Variants in ARHGEF3 observed in about 807,000 individuals in gnomAD.
ARHGEF3 encodes the protein Rho guanine nucleotide exchange factor 3.
ARHGEF3 carries 28 observed loss-of-function variants against 63.2 expected under a neutral mutation model. The observed-to-expected ratio is 0.44, with a 90% CI of 0.33 to 0.61. ARHGEF3 has a LOEUF of 0.61. Ranked by LOEUF, ARHGEF3 falls within the 20% of genes least tolerant of loss-of-function variation. The pLI is 0.03. For synonymous variants in ARHGEF3, 266 were observed against 254.2 expected, an observed-to-expected ratio of 1.05 and a Z score of -0.44; for missense variants, 533 against 659.3, an observed-to-expected ratio of 0.81 and a Z score of 2.10.
intron 3 of ARHGEF3, among the ~76,000 whole-genome samples, chr3:56,947,234 A>G (rs1699555094): frequency 6.6e-6 from 1 of 152,224 alleles, no homozygotes; most frequent in African/African-American, 2.4e-5. Context: ...AAGCAAAATA[A>G]TCAGCTAACA....
rs759458048 is a variant in ARHGEF3, at chr3:56,965,645, CTTTTT to C, written c.63-6761_63-6757del. Among the ~76,000 whole-genome samples the C allele has an allele frequency of 1.0e-4, 14 of 133,352 alleles. No individual in the cohort carries two copies. The South Asian group carries it at 2.7e-3, about 26-fold the overall frequency. The allele number at this position is 133,352 out of a possible 152,430, so 87.5% of individuals were successfully genotyped here. ...GAAGTAGATTAAATGAAACTACATT[CTTTTT>C]TTTTTTTTTTTTTTTTGAAACGGAG... On this transcript the variant is annotated intron_variant, in intron 2 of 12. Transcript: ENST00000338458.
At chr3:57,025,563 C>A (rs1703438134) in intron 2 of ARHGEF3, among the ~76,000 whole-genome samples, 1 of 152,198 alleles carries the variant, frequency 6.6e-6, no homozygotes, top group South Asian at 2.1e-4. Context: ...GCAAATGCTA[C>A]AAGTCTGAGC....
chr3:56,790,155 C>T (rs1559941585), intron 1 of ARHGEF3, among the ~76,000 whole-genome samples: 2 of 152,202 alleles, frequency 1.3e-5, no homozygotes, highest in Non-Finnish European at 1.5e-5. Context: ...GAAATAAATG[C>T]TGCATTTAAG....
intron 3 of ARHGEF3, among the ~76,000 whole-genome samples, chr3:56,933,866 A>T (rs1312056038): frequency 6.6e-6 from 1 of 152,146 alleles, no homozygotes; most frequent in Non-Finnish European, 1.5e-5. Context: ...GTCTGGTGGG[A>T]GGTGATTGGA....
intron 3 of ARHGEF3, chr3:56,940,664 C>G (rs534864761): frequency 6.6e-6 from 1 of 151,746 alleles, no homozygotes; most frequent in South Asian, 2.1e-4. Flanking sequence ...CAGGTATGGT[C>G]GGTTTTGCCT....
intron 2 of ARHGEF3, among the ~76,000 whole-genome samples, chr3:56,992,971 T>C (rs923725599): frequency 1.3e-5 from 2 of 151,970 alleles, no homozygotes; most frequent in Non-Finnish European, 2.9e-5. Flanking sequence ...GTAGCTGGGA[T>C]TACAGCTGCA....
chr3:57,074,614 C>T (rs193025910), intron 1 of ARHGEF3: 1 of 255,992 alleles, frequency 3.9e-6, no homozygotes, highest in Admixed American at 5.0e-5. Flanking sequence ...CTCCTGATCC[C>T]CGATCCTATA....
At chr3:56,774,303 A>T (rs1018300645) in intron 1 of ARHGEF3, among the ~76,000 whole-genome samples, 3 of 146,120 alleles carry the variant, frequency 2.1e-5, no homozygotes, top group East Asian at 2.0e-4. Context: ...TCATTAAATT[A>T]AAAAAAAAAA....
chr3:57,059,634 A>T (rs1705113608), intron 1 of ARHGEF3, among the ~76,000 whole-genome samples: 1 of 152,100 alleles, frequency 6.6e-6, no homozygotes, highest in Non-Finnish European at 1.5e-5. Flanking sequence ...TTCCCTCCAT[A>T]AGCACATTTC....
intron 3 of ARHGEF3, among the ~76,000 whole-genome samples, chr3:56,904,150 C>A (rs11710295): frequency 0.14 from 20,726 of 152,188 alleles, 1,697 homozygotes; most frequent in Non-Finnish European, 0.19. Context: ...CCACCTCAGC[C>A]TCCCAAGTAG....
intron 2 of ARHGEF3, among the ~76,000 whole-genome samples, chr3:56,983,136 C>A (rs1701391107): frequency 6.6e-6 from 1 of 152,042 alleles, no homozygotes; most frequent in African/African-American, 2.4e-5. Context: ...TTTTATATGA[C>A]CCCTAGGGTG....
chr3:56,907,380 T>C (rs900371135), intron 3 of ARHGEF3, among the ~76,000 whole-genome samples: 6 of 152,196 alleles, frequency 3.9e-5, no homozygotes, highest in Non-Finnish European at 7.3e-5. Context: ...AATGCAGTTA[T>C]TTGCTTATAC....
At chr3:56,812,218 A>T (rs1393687476) in intron 4 of ARHGEF3, among the ~76,000 whole-genome samples, 1 of 152,224 alleles carries the variant, frequency 6.6e-6, no homozygotes, top group Non-Finnish European at 1.5e-5. Flanking sequence ...TGGGACCAAA[A>T]AATAATATGC....
chr3:56,978,085 C>A (rs970128563), intron 2 of ARHGEF3, among the ~76,000 whole-genome samples: 5 of 152,180 alleles, frequency 3.3e-5, no homozygotes, highest in African/African-American at 1.2e-4. Flanking sequence ...CAGTGGGGAC[C>A]CCAGGTGCGG....
intron 3 of ARHGEF3, among the ~76,000 whole-genome samples, chr3:56,944,755 T>C (rs1560072061): frequency 1.3e-5 from 2 of 151,966 alleles, no homozygotes; most frequent in Non-Finnish European, 2.9e-5. Context: ...ATTTTTGTAT[T>C]TTTAATAGAG....
chr3:57,068,956 G>C (rs966767848), intron 1 of ARHGEF3, among the ~76,000 whole-genome samples: 10 of 144,106 alleles, frequency 6.9e-5, no homozygotes, highest in African/African-American at 2.6e-4. Flanking sequence ...GAGTCTCGCT[G>C]TATCACCCAA....
chr3:57,074,127 T>C (rs1021338819), intron 1 of ARHGEF3: 6 of 1,613,906 alleles, frequency 3.7e-6, no homozygotes, highest in Admixed American at 1.7e-5. Flanking sequence ...AGGATGGTTG[T>C]GGAGACTGTG....
chr3:57,042,696 A>AT (rs1560156436), intron 1 of ARHGEF3, among the ~76,000 whole-genome samples: 6 of 33,546 alleles, frequency 1.8e-4, no homozygotes, highest in Admixed American at 5.3e-4. Context: ...ATATATATAT[A>AT]TATATTTTTT....
chr3:56,867,463 ATT>A (rs988802557), intron 4 of ARHGEF3, among the ~76,000 whole-genome samples: 1 of 147,332 alleles, frequency 6.8e-6, no homozygotes, highest in African/African-American at 2.7e-5. Context: ...AATGCTATTT[ATT>A]TATTTATTTA....
Sources: gnomAD v4.1 joint callset for allele counts (sites outside exome capture counted in the v4.1 genomes callset) on GRCh38, gnomAD v4.1.1 for gene constraint, MANE v1.5 for transcripts, NCBI Gene and HGNC (gene_info 2026-07-23, HGNC 2026-07-21) for gene names.